Variants in TENM4 observed in about 807,000 individuals in gnomAD.
TENM4 encodes the protein teneurin transmembrane protein 4.
TENM4 carries 82 observed loss-of-function variants against 243.3 expected under a neutral mutation model. The ratio of observed to expected loss-of-function variants is 0.34; its 90% CI spans 0.28 to 0.40. The LOEUF (loss-of-function observed/expected upper bound fraction) is 0.40, where lower values mean the gene tolerates loss of function less well. TENM4 is among the 10% of genes least tolerant of loss of function. The pLI, the probability that TENM4 is intolerant of heterozygous loss-of-function variation, is 1.00. For missense variants in TENM4, 3,138 were observed against 3,673.3 expected (o/e 0.85, Z 3.77); for synonymous variants, 1,412 against 1,456.3 (o/e 0.97, Z 0.69).
chr11:78,932,198 T>G (rs187956045), intron 6 of TENM4, among the ~76,000 whole-genome samples: 90 of 152,340 alleles, frequency 5.9e-4, no homozygotes, highest in African/African-American at 2.0e-3. Flanking sequence ...TGTAGCTGTC[T>G]GTCAAAGTCC....
At chr11:79,357,844 C>T (rs546758829) in intron 1 of TENM4, among the ~76,000 whole-genome samples, 3 of 152,270 alleles carry the variant, frequency 2.0e-5, no homozygotes, top group South Asian at 2.1e-4. Flanking sequence ...CTTGTAGCAA[C>T]AACTATCCAA....
chr11:78,932,489 ACT>A (rs1236516950), intron 6 of TENM4, among the ~76,000 whole-genome samples: 2 of 151,080 alleles, frequency 1.3e-5, no homozygotes, highest in Non-Finnish European at 2.9e-5. Context: ...ATCTCTGACT[ACT>A]CTCTGGATTA....
rs1156265796 is a variant in TENM4 at position 78,745,490 on chromosome 11, A to G, written c.2757-6920T>C. Among the ~76,000 whole-genome samples, 3 of 151,576 alleles carry G rather than the reference A, an allele frequency of 2.0e-5. No homozygotes were observed. The East Asian group carries it at 5.9e-4, about 30-fold the overall frequency. ...AGTGACCCACCTGCCTTGGCCTCTCAAAGTGGTAGGATTACAGGCATGAGC... is the reference window on the plus strand; with the variant it reads ...AGTGACCCACCTGCCTTGGCCTCTCGAAGTGGTAGGATTACAGGCATGAGC... On this transcript the variant is annotated intron_variant, in intron 19 of 33. Coordinates refer to ENST00000278550, the MANE Select transcript of TENM4 (RefSeq NM_001098816.3).
intron 2 of TENM4, among the ~76,000 whole-genome samples, chr11:79,293,289 AG>A (rs369222011): frequency 0.032 from 4,930 of 152,188 alleles, 261 homozygotes; most frequent in African/African-American, 0.11. Context: ...AGTCAGAAAA[AG>A]TAGGATGGGC....
chr11:78,862,960 A>G lies in TENM4; in HGVS notation c.1255+2T>C, dbSNP rs913908321. On this transcript the variant is annotated splice_donor_variant, in intron 10 of 33. Transcript: ENST00000278550. LOFTEE classifies it high-confidence loss of function. ...ACAACACGGACAACGCAGCAACCCT[A>G]CCTTCTGTGGTTCCTTTGCCTTTCC... The G allele has an allele frequency of 6.9e-7, 1 of 1,455,806 alleles. No homozygotes were observed. The highest frequency in any genetic ancestry group is 9.2e-7 in the Non-Finnish European group (1 of 1,084,560). 90.2% of individuals were successfully genotyped at this position (1,455,806 alleles called of 1,614,324 possible).
intron 6 of TENM4, among the ~76,000 whole-genome samples, chr11:78,941,601 T>A (rs963577245): frequency 2.1e-5 from 3 of 142,984 alleles, no homozygotes; most frequent in Non-Finnish European, 4.6e-5. Flanking sequence ...CGGGGCGGGG[T>A]GGGGTTGGGG....
chr11:78,793,611 A>G (rs1182725834), intron 15 of TENM4, among the ~76,000 whole-genome samples: 1 of 152,238 alleles, frequency 6.6e-6, no homozygotes, highest in East Asian at 1.9e-4. Flanking sequence ...AGTCCAAGCC[A>G]AACCATTAAT....
chr11:79,268,044 A>G (rs1021293228), intron 2 of TENM4, among the ~76,000 whole-genome samples: 4 of 152,236 alleles, frequency 2.6e-5, no homozygotes, highest in Middle Eastern at 3.2e-3. Flanking sequence ...AAGGAAATAT[A>G]ATCAGGTATA....
chr11:79,415,554 A>C (rs1346156417), intron 1 of TENM4, among the ~76,000 whole-genome samples: 1 of 152,194 alleles, frequency 6.6e-6, no homozygotes, highest in African/African-American at 2.4e-5. Flanking sequence ...CATATGGAAA[A>C]GCTGCAGCTC....
intron 4 of TENM4, among the ~76,000 whole-genome samples, chr11:79,122,961 G>A (rs146564467): frequency 6.6e-6 from 1 of 152,320 alleles, no homozygotes; most frequent in East Asian, 1.9e-4. Context: ...CAATAACCGG[G>A]AAGGGAACCT....
rs927546370 is a variant in TENM4, at chr11:79,368,746, A to C, written c.-320-71203T>G. ...TTGTGAGGAGTGAATAATGCAGATA[A>C]GGAGTTTATAATAGTCTCTGCCATA... On this transcript the variant is annotated intron_variant, in intron 1 of 33. Coordinates refer to ENST00000278550, the MANE Select transcript of TENM4 (RefSeq NM_001098816.3). Among the ~76,000 whole-genome samples, 8 of 152,348 alleles carry C rather than the reference A, an allele frequency of 5.3e-5. No homozygotes were observed. The South Asian group carries it at 6.2e-4, about 12-fold the overall frequency.
intron 6 of TENM4, among the ~76,000 whole-genome samples, chr11:78,998,653 T>C (rs542193782): frequency 6.6e-6 from 1 of 152,124 alleles, no homozygotes; most frequent in South Asian, 2.1e-4. Flanking sequence ...AGCACAGTTC[T>C]GCCAGGGTGA....
intron 2 of TENM4, among the ~76,000 whole-genome samples, chr11:79,289,022 C>T (rs146873892): frequency 4.6e-5 from 7 of 152,252 alleles, no homozygotes; most frequent in African/African-American, 9.6e-5. Flanking sequence ...TCCCAGGAGA[C>T]GTACAGGGAA....
At chr11:78,800,411 G>T (rs1340882904) in intron 15 of TENM4, among the ~76,000 whole-genome samples, 2 of 152,178 alleles carry the variant, frequency 1.3e-5, no homozygotes, top group African/African-American at 4.8e-5. Flanking sequence ...TCTAGGTCTG[G>T]GAAGTGACAG....
intron 4 of TENM4, among the ~76,000 whole-genome samples, chr11:79,101,754 A>T (rs1245409003): frequency 1.3e-5 from 2 of 152,206 alleles, no homozygotes; most frequent in African/African-American, 4.8e-5. Flanking sequence ...GCTGGCAGAA[A>T]AGTACTCTGA....
intron 6 of TENM4, among the ~76,000 whole-genome samples, chr11:78,976,927 C>T (rs1203052960): frequency 1.3e-5 from 2 of 152,210 alleles, no homozygotes; most frequent in African/African-American, 4.8e-5. Flanking sequence ...CACGTGCTTT[C>T]CAACATAGCT....
intron 6 of TENM4, among the ~76,000 whole-genome samples, chr11:78,990,410 C>T (rs1033472890): frequency 1.2e-4 from 18 of 151,994 alleles, no homozygotes; most frequent in African/African-American, 3.9e-4. Context: ...AGCACCCTGC[C>T]GCTGGCACAG....
At chr11:79,159,630 G>A (rs370877658) in intron 3 of TENM4, among the ~76,000 whole-genome samples, 19 of 152,064 alleles carry the variant, frequency 1.2e-4, no homozygotes, top group African/African-American at 3.6e-4. Flanking sequence ...GCCTCCTAAT[G>A]TGTGGCTGAC....
intron 19 of TENM4, 34 bp from the exon 20 acceptor site, chr11:78,738,604 A>G: frequency 6.2e-7 from 1 of 1,603,232 alleles, no homozygotes. Context: ...AACATGATAC[A>G]CCTTTCATGG....
Sources: gnomAD v4.1 joint callset for allele counts (sites outside exome capture counted in the v4.1 genomes callset) on GRCh38, gnomAD v4.1.1 for gene constraint, MANE v1.5 for transcripts, NCBI Gene and HGNC (gene_info 2026-07-23, HGNC 2026-07-21) for gene names.